ARHGAP5: variants seen among roughly 807,000 people sequenced by gnomAD.
ARHGAP5 encodes Rho GTPase activating protein 5.
Under a neutral mutation model 116.6 loss-of-function variants are expected in ARHGAP5, and 23 were observed. That is an observed-to-expected ratio of 0.20 (90% CI 0.14 to 0.28). The LOEUF (loss-of-function observed/expected upper bound fraction) is 0.28, where lower values mean the gene tolerates loss of function less well. ARHGAP5 is among the 10% of genes least tolerant of loss of function. The probability of loss-of-function intolerance (pLI) is 1.00; values close to 1 mark genes in which losing one functional copy is unlikely to be tolerated. For synonymous variants in ARHGAP5, 574 were observed against 602.0 expected (o/e 0.95, Z 0.68); for missense variants, 1,405 against 1,774.8 (o/e 0.79, Z 3.74).
intron 1 of ARHGAP5, among the ~76,000 whole-genome samples, chr14:32,078,594 A>G (rs1315508594): frequency 6.6e-6 from 1 of 151,944 alleles, no homozygotes; most frequent in Non-Finnish European, 1.5e-5. Flanking sequence ...GTACTTGCTT[A>G]TGTTGCTTTC....
At chr14:32,084,881 C>T (rs972051175) in intron 1 of ARHGAP5, among the ~76,000 whole-genome samples, 49 of 151,926 alleles carry the variant, frequency 3.2e-4, no homozygotes, top group African/African-American at 1.2e-3. Context: ...TGGTGGTGCA[C>T]ATCTGTAGTC....
At chr14:32,088,908 G>C (rs1459667774) in intron 1 of ARHGAP5, among the ~76,000 whole-genome samples, 1 of 151,956 alleles carries the variant, frequency 6.6e-6, no homozygotes, top group Non-Finnish European at 1.5e-5. Context: ...GTCTTAAGAG[G>C]TGTAGGGCTT....
intron 2 of ARHGAP5, among the ~76,000 whole-genome samples, chr14:32,105,620 A>C (rs867565701): frequency 5.1e-4 from 78 of 151,914 alleles, no homozygotes; most frequent in African/African-American, 1.8e-3. Context: ...AGATTTCCCC[A>C]GTTTTACTTG....
rs773910104 is a variant in ARHGAP5 at position 32,159,353 on chromosome 14, T to G, written c.*4405T>G. 17 of 152,308 alleles carry G rather than the reference T, an allele frequency of 1.1e-4. No homozygotes were observed. The highest frequency in any genetic ancestry group is 3.9e-4 in the Admixed American group (6 of 15,302). 9.4% of individuals were successfully genotyped at this position (152,308 alleles called of 1,614,324 possible). Reference sequence around the variant, plus strand: ...TCAAATAGTAAGTTATTGTGAACAATTTAATAACGGCCCTCCTGTTCTAGT... The same window carrying G: ...TCAAATAGTAAGTTATTGTGAACAAGTTAATAACGGCCCTCCTGTTCTAGT... On this transcript the variant is annotated 3_prime_UTR_variant, in exon 7 of 7. Transcript: ENST00000345122.
At chr14:32,128,396 CA>C (rs900124396) in intron 3 of ARHGAP5, among the ~76,000 whole-genome samples, 1 of 152,248 alleles carries the variant, frequency 6.6e-6, no homozygotes, top group African/African-American at 2.4e-5. Flanking sequence ...GCTGGGCTCC[CA>C]AACAGGTTCA....
rs1464988606 is a variant in ARHGAP5 at position 32,077,386 on chromosome 14, G to A, written c.-218G>A. ...CAGGAATGTCGCTGCCGCCGCCACC[G>A]CCGGGGCCGCTGCCGTTGAGGAGGA... On this transcript the variant is annotated 5_prime_UTR_variant, in exon 1 of 7. Coordinates refer to ENST00000345122, the MANE Select transcript of ARHGAP5 (RefSeq NM_001030055.2). 5.7e-6 allele frequency: 4 copies of A among 701,148 alleles called. No individual in the cohort carries two copies. Among genetic ancestry groups the A allele is most frequent in the Non-Finnish European group, 1.0e-5 (4 of 384,914 alleles). 43.4% of individuals were successfully genotyped at this position (701,148 alleles called of 1,614,324 possible).
At chr14:32,152,038 A>T (rs1846671479) in intron 5 of ARHGAP5, among the ~76,000 whole-genome samples, 1 of 152,170 alleles carries the variant, frequency 6.6e-6, no homozygotes, top group South Asian at 2.1e-4. Context: ...GAGGAGTTGG[A>T]TAAGGGAAAC....
At chr14:32,146,090 T>C (rs1308302156) in intron 3 of ARHGAP5, among the ~76,000 whole-genome samples, 173 bp from the exon 4 acceptor site, 2 of 152,062 alleles carry the variant, frequency 1.3e-5, no homozygotes, top group African/African-American at 2.4e-5. Context: ...TTCTTTATTA[T>C]TTGTAGAGAC....
rs1881679694 is a variant in ARHGAP5 at position 32,152,425 on chromosome 14, A to T, written c.4078A>T (p.Ile1360Phe). 6.3e-7 allele frequency: 1 copy of T among 1,587,224 alleles called. No individual in the cohort carries two copies. The highest frequency in any genetic ancestry group is 1.9e-4 in the Middle Eastern group (1 of 5,276). The part of the protein sequence containing the change: ...LHPELLEAAK[I>F]PDKTERLHAL... ...TCTTCACTGTTTTAATTTTACAGAA[A>T]TCCCGGATAAAACAGAACGTCTTCA... Residue 1360 changes from isoleucine to phenylalanine, a missense_variant and splice_region_variant, in exon 6 of 7, where the codon ATC becomes TTC. This residue lies in a region of ARHGAP5 where 176 missense variants were observed against 221.2 expected (regional missense o/e 0.80). Coordinates refer to ENST00000345122, the MANE Select transcript of ARHGAP5 (RefSeq NM_001030055.2).
intron 2 of ARHGAP5, among the ~76,000 whole-genome samples, chr14:32,116,013 C>T (rs1879556832): frequency 6.8e-6 from 1 of 147,818 alleles, no homozygotes; most frequent in Non-Finnish European, 1.5e-5. Flanking sequence ...AGCTACTGGG[C>T]GCAGTAGCTC....
intron 2 of ARHGAP5, among the ~76,000 whole-genome samples, chr14:32,100,519 CA>C (rs1381552133): frequency 6.6e-6 from 1 of 152,138 alleles, no homozygotes; most frequent in African/African-American, 2.4e-5. Flanking sequence ...ATTTAAAAAA[CA>C]GCGTAGCAAC....
At chr14:32,089,939 T>TG (rs952314410) in intron 1 of ARHGAP5, among the ~76,000 whole-genome samples, 6 of 151,956 alleles carry the variant, frequency 3.9e-5, no homozygotes, top group South Asian at 2.1e-4. Context: ...TTCTTAATTT[T>TG]GGGGGGGTAT....
intron 3 of ARHGAP5, among the ~76,000 whole-genome samples, chr14:32,140,634 AT>A (rs956898215): frequency 1.3e-5 from 2 of 151,986 alleles, no homozygotes; most frequent in Non-Finnish European, 2.9e-5. Flanking sequence ...ATATTTATTA[AT>A]TTTTCTTTTG....
intron 2 of ARHGAP5, among the ~76,000 whole-genome samples, chr14:32,109,011 G>A (rs965747901): frequency 2.0e-5 from 3 of 152,076 alleles, no homozygotes; most frequent in Non-Finnish European, 2.9e-5. Flanking sequence ...ATTTGTTGCT[G>A]CTTGATAGAT....
At chr14:32,113,128 A>T (rs921066904) in intron 2 of ARHGAP5, among the ~76,000 whole-genome samples, 2 of 152,222 alleles carry the variant, frequency 1.3e-5, no homozygotes, top group African/African-American at 4.8e-5. Flanking sequence ...ATAGCTACAC[A>T]TCAGGAACTC....
rs1878400511 is a variant in ARHGAP5 at position 32,094,096 on chromosome 14, AAAAGTCATG to A, written c.3428_3436del (p.Lys1143_Gly1146delinsArg). 3.1e-6 allele frequency: 5 copies of A among 1,613,998 alleles called. No homozygotes were observed. Among genetic ancestry groups the A allele is most frequent in the African/African-American group, 1.3e-5 (1 of 74,922 alleles). Reference sequence around the variant, plus strand: ...AAATGGGTTTTCTGATAGAACCTCAAAAAGTCATGGGGAACGGAGGCCTTCAAAATACAA... The same window carrying A: ...AAATGGGTTTTCTGATAGAACCTCAAGGGAACGGAGGCCTTCAAAATACAA... On this transcript the variant is annotated inframe_deletion, in exon 2 of 7. Coordinates refer to ENST00000345122, the MANE Select transcript of ARHGAP5 (RefSeq NM_001030055.2).
At chr14:32,137,630 G>A (rs1328034281) in intron 3 of ARHGAP5, among the ~76,000 whole-genome samples, 1 of 151,988 alleles carries the variant, frequency 6.6e-6, no homozygotes, top group Non-Finnish European at 1.5e-5. Flanking sequence ...GATAAAAATT[G>A]CATTGAATCT....
chr14:32,104,790 T>C (rs1878935491), intron 2 of ARHGAP5, among the ~76,000 whole-genome samples: 1 of 152,210 alleles, frequency 6.6e-6, no homozygotes, highest in South Asian at 2.1e-4. Flanking sequence ...AAAGTTAAAA[T>C]TCTCAGGCTT....
intron 2 of ARHGAP5, among the ~76,000 whole-genome samples, chr14:32,116,063 G>A (rs540071439): frequency 4.0e-5 from 6 of 151,874 alleles, no homozygotes; most frequent in African/African-American, 1.4e-4. Context: ...TGAGGCGGGT[G>A]GATCACAAGG....
Sources: allele counts gnomAD v4.1 joint callset (sites outside exome capture counted in the v4.1 genomes callset), GRCh38; gene constraint gnomAD v4.1.1; regional missense constraint gnomAD v4.1.1; transcripts MANE v1.5; gene names NCBI Gene and HGNC (gene_info 2026-07-23, HGNC 2026-07-21).